CPNE8: variants seen among roughly 807,000 people sequenced by gnomAD.
CPNE8 encodes copine-8.
CPNE8 carries 45 observed loss-of-function variants against 81.5 expected under a neutral mutation model. That is an observed-to-expected ratio of 0.55 (90% CI 0.44 to 0.71). The LOEUF (loss-of-function observed/expected upper bound fraction) is 0.71, where lower values mean the gene tolerates loss of function less well. CPNE8 is among the 30% of genes least tolerant of loss of function. CPNE8 has a pLI of 0.00. For synonymous variants in CPNE8, 252 were observed against 226.3 expected, an observed-to-expected ratio of 1.11 and a Z score of -1.02; for missense variants, 594 against 672.1, an observed-to-expected ratio of 0.88 and a Z score of 1.28.
chr12:38,904,449 G>A (rs1239006758), intron 1 of CPNE8, among the ~76,000 whole-genome samples: 1 of 150,512 alleles, frequency 6.6e-6, no homozygotes, highest in Non-Finnish European at 1.5e-5. Context: ...TCTGGACAGG[G>A]TTGAAAGTCA....
At chr12:38,850,336 T>C (rs1306419954) in intron 3 of CPNE8, among the ~76,000 whole-genome samples, 2 of 152,162 alleles carry the variant, frequency 1.3e-5, no homozygotes, top group Non-Finnish European at 2.9e-5. Flanking sequence ...TCAGAGAGAA[T>C]TTTTTAAAAT....
chr12:38,678,185 A>C (rs1171064512), intron 16 of CPNE8, among the ~76,000 whole-genome samples: 2 of 152,028 alleles, frequency 1.3e-5, no homozygotes. Context: ...CAATAGAAGA[A>C]ATATTTTTGA....
rs373393503 is a variant in CPNE8 at position 38,880,117 on chromosome 12, T to C, written c.99-5606A>G. 5.3e-5 allele frequency among the ~76,000 whole-genome samples: 8 copies of C among 152,332 alleles called. No individual in the cohort carries two copies. In the East Asian group the frequency reaches 9.6e-4, roughly 18 times the overall value. Reference sequence around the variant, plus strand: ...ATGCTTTATCATTTTGCAAACACTGTCCAGAATAAATTTTCCACATGTGGA... The same window carrying C: ...ATGCTTTATCATTTTGCAAACACTGCCCAGAATAAATTTTCCACATGTGGA... On this transcript the variant is annotated intron_variant, in intron 1 of 19. Coordinates refer to ENST00000331366, the MANE Select transcript of CPNE8 (RefSeq NM_153634.3).
intron 1 of CPNE8, among the ~76,000 whole-genome samples, chr12:38,901,866 C>A (rs1338638452): frequency 6.6e-6 from 1 of 152,160 alleles, no homozygotes; most frequent in African/African-American, 2.4e-5. Flanking sequence ...CATGCATGAG[C>A]CTCATCTTTG....
At chr12:38,900,205 G>A (rs571272398) in intron 1 of CPNE8, among the ~76,000 whole-genome samples, 2 of 151,602 alleles carry the variant, frequency 1.3e-5, no homozygotes, top group African/African-American at 4.8e-5. Flanking sequence ...CAGATCAAGG[G>A]ACTAGAGTTA....
At chr12:38,811,840 C>T (rs1254115407) in intron 6 of CPNE8, among the ~76,000 whole-genome samples, 1 of 152,166 alleles carries the variant, frequency 6.6e-6, no homozygotes, top group Non-Finnish European at 1.5e-5. Context: ...CCACTGCATT[C>T]CCACCTGGGT....
intron 10 of CPNE8, among the ~76,000 whole-genome samples, chr12:38,756,502 C>T (rs851932): frequency 0.98 from 149,514 of 152,176 alleles, 73,492 homozygotes; most frequent in Middle Eastern, 1. Flanking sequence ...TACAGCCACA[C>T]GCCACCATGC....
At chr12:38,714,789 G>C (rs1288731400) in intron 13 of CPNE8, among the ~76,000 whole-genome samples, 1 of 152,010 alleles carries the variant, frequency 6.6e-6, no homozygotes, top group Non-Finnish European at 1.5e-5. Context: ...TTTACGGATT[G>C]AGACAATGAA....
intron 6 of CPNE8, among the ~76,000 whole-genome samples, chr12:38,817,611 A>ATTTTTT (rs1356590813): frequency 2.1e-5 from 2 of 94,068 alleles, no homozygotes; most frequent in African/African-American, 3.6e-5. Flanking sequence ...ACATTAATTT[A>ATTTTTT]TTCTTTTTTT....
At chr12:38,748,824 T>TA (rs1941294546) in intron 10 of CPNE8, among the ~76,000 whole-genome samples, 1 of 152,130 alleles carries the variant, frequency 6.6e-6, no homozygotes, top group Non-Finnish European at 1.5e-5. Context: ...TATAATACCT[T>TA]AAAAATATAA....
intron 1 of CPNE8, among the ~76,000 whole-genome samples, chr12:38,881,209 CA>C (rs11336431): frequency 0.83 from 105,016 of 126,468 alleles, 42,871 homozygotes; most frequent in Non-Finnish European, 0.88. Flanking sequence ...GATTCCGTCT[CA>C]AAAAAAAAAA....
At chr12:38,684,161 T>A (rs1939476016) in intron 16 of CPNE8, among the ~76,000 whole-genome samples, 1 of 152,206 alleles carries the variant, frequency 6.6e-6, no homozygotes, top group African/African-American at 2.4e-5. Context: ...TATTATATTC[T>A]GCTTTATTTG....
At chr12:38,870,232 A>C (rs1943970610) in intron 3 of CPNE8, among the ~76,000 whole-genome samples, 1 of 152,376 alleles carries the variant, frequency 6.6e-6, no homozygotes, top group East Asian at 1.9e-4. Flanking sequence ...CAGTGTGGTG[A>C]TTCCTCAAGG....
chr12:38,771,745 T>C (rs1315534158), intron 7 of CPNE8, among the ~76,000 whole-genome samples: 1 of 152,152 alleles, frequency 6.6e-6, no homozygotes, highest in Admixed American at 6.5e-5. Flanking sequence ...CCTTGTGATA[T>C]TGGCCTTGGA....
intron 3 of CPNE8, among the ~76,000 whole-genome samples, chr12:38,867,636 T>C (rs1377779898): frequency 6.6e-6 from 1 of 152,188 alleles, no homozygotes; most frequent in East Asian, 1.9e-4. Context: ...ATTCACAAAA[T>C]GAATTGTCTA....
At chr12:38,679,796 TTTAG>T (rs1468849026) in intron 16 of CPNE8, 14 of 532,262 alleles carry the variant, frequency 2.6e-5, no homozygotes, top group Admixed American at 6.4e-5. Context: ...TTTCTTCTCA[TTTAG>T]TTATTTTAAA....
intron 13 of CPNE8, among the ~76,000 whole-genome samples, chr12:38,720,418 A>G (rs1283505471): frequency 6.6e-6 from 1 of 152,186 alleles, no homozygotes; most frequent in Non-Finnish European, 1.5e-5. Flanking sequence ...ACTCACACCC[A>G]AATATTGCTA....
At chr12:38,838,337 A>G (rs1290207838) in intron 5 of CPNE8, among the ~76,000 whole-genome samples, 1 of 152,138 alleles carries the variant, frequency 6.6e-6, no homozygotes, top group South Asian at 2.1e-4. Context: ...GGCCTGAGAG[A>G]GAGAAAGAGA....
intron 10 of CPNE8, among the ~76,000 whole-genome samples, chr12:38,748,454 T>C (rs1941284369): frequency 6.6e-6 from 1 of 152,152 alleles, no homozygotes; most frequent in African/African-American, 2.4e-5. Context: ...TACCTTAGAA[T>C]AGATTCTTGG....
Sources: allele counts gnomAD v4.1 joint callset (sites outside exome capture counted in the v4.1 genomes callset), GRCh38; gene constraint gnomAD v4.1.1; transcripts MANE v1.5; gene names NCBI Gene and HGNC (gene_info 2026-07-23, HGNC 2026-07-21).